The following ANKRD26 variants were observed in gnomAD, a reference collection of about 807,000 sequenced individuals.
ANKRD26 encodes the protein ankyrin repeat domain 26.
A neutral mutation model predicts 208.7 loss-of-function variants in ANKRD26; 141 were observed. That is an observed-to-expected ratio of 0.68 (90% CI 0.59 to 0.78). ANKRD26 has a LOEUF of 0.78. Ranked by LOEUF, ANKRD26 falls within the 30% of genes least tolerant of loss-of-function variation. The pLI is 0.00. For synonymous variants in ANKRD26, 636 were observed against 660.4 expected (o/e 0.96, Z 0.57); for missense variants, 1,889 against 1,938.7 (o/e 0.97, Z 0.48).
intron 9 of ANKRD26, among the ~76,000 whole-genome samples, chr10:27,072,731 T>A (rs1414599577): frequency 6.6e-6 from 1 of 152,236 alleles, no homozygotes; most frequent in Non-Finnish European, 1.5e-5. Context: ...GAAACTTCTG[T>A]GCATCTTCAG....
chr10:27,072,262 C>T (rs2055531375), intron 9 of ANKRD26, among the ~76,000 whole-genome samples: 2 of 152,232 alleles, frequency 1.3e-5, no homozygotes, highest in African/African-American at 4.8e-5. Context: ...GGCGTGAGAC[C>T]TGCCTTGCCA....
rs1475263013 is a variant in ANKRD26 at position 27,058,889 on chromosome 10, A to G, written c.1564+1456T>C. Among the ~76,000 whole-genome samples, 3 of 147,178 alleles carry G rather than the reference A, an allele frequency of 2.0e-5. No individual in the cohort carries two copies. The East Asian group carries it at 6.1e-4, about 30-fold the overall frequency. On this transcript the variant is annotated intron_variant, in intron 15 of 33. Transcript: ENST00000376087. ...CCGCGCCCAGCCCACAGTGATTTTT[A>G]TGTTTTTTTGTTTGTTTGTTTTTTG...
At position 27,077,441 on chromosome 10, in the gene ANKRD26, G is replaced by C. The variant is rs1163599010; in HGVS notation, c.974C>G (p.Thr325Arg). ...AAAGCACTGGACTTTGATTGATGTT[G>C]TAGGAAGGCTTTCAACCACAACTTC... ...QDEVVVESLP[T>R]TSIKVQCFSH... The change falls in exon 9 of 34, where the codon ACA becomes AGA. Residue 325 changes from threonine (T) to arginine (R), a missense_variant. Thr to Arg is a moderately conservative substitution (Grantham distance 71). Coordinates refer to ENST00000376087, the MANE Select transcript of ANKRD26 (RefSeq NM_014915.3). The C allele has an allele frequency of 1.2e-6, 2 of 1,613,918 alleles. No homozygotes were observed. The highest frequency in any genetic ancestry group is 1.7e-6 in the Non-Finnish European group (2 of 1,179,852).
chr10:27,019,828 A>G (rs998942338), intron 29 of ANKRD26, among the ~76,000 whole-genome samples: 2 of 152,180 alleles, frequency 1.3e-5, no homozygotes, highest in African/African-American at 4.8e-5. Flanking sequence ...TTGCTTCCTA[A>G]CAAAGTACCC....
chr10:27,026,046 A>G (rs11015458), intron 27 of ANKRD26, among the ~76,000 whole-genome samples: 14,486 of 152,138 alleles, frequency 0.095, 2,221 homozygotes, highest in African/African-American at 0.33. Context: ...TTTTTCTTTC[A>G]TAATGCAAAA....
chr10:27,024,351 G>C (rs975832324), intron 28 of ANKRD26, 96 bp downstream of exon 28: 1 of 664,526 alleles, frequency 1.5e-6, no homozygotes, highest in Non-Finnish European at 2.6e-6. Context: ...AGAAAAAGTA[G>C]ATATTAAATG....
At chr10:27,003,643 A>G (rs1316351138), downstream of ANKRD26, among the ~76,000 whole-genome samples, 1 of 152,334 alleles carries the variant, frequency 6.6e-6, no homozygotes, top group Non-Finnish European at 1.5e-5. Context: ...CCAGTAATGG[A>G]AGTGAGTGAC....
At chr10:27,012,750 T>C in intron 32 of ANKRD26, 132 bp downstream of exon 32, 1 of 784,272 alleles carries the variant, frequency 1.3e-6, no homozygotes, top group African/African-American at 1.7e-5. Context: ...ACATAGAGGT[T>C]GCAGTGAGCC....
rs373077227 is a variant in ANKRD26, at chr10:27,056,323, G to A, written c.1565-2933C>T. Among the ~76,000 whole-genome samples the A allele has an allele frequency of 1.7e-3, 265 of 151,922 alleles. 1 individual carries two copies. Among genetic ancestry groups the A allele is most frequent in the African/African-American group, 6.0e-3 (250 of 41,470 alleles). On this transcript the variant is annotated intron_variant, in intron 15 of 33. Transcript: ENST00000376087. ...CTCCTGAGCAGCTGGGATTACAGGC[G>A]CCCGCCACCACACCCAGCTAATTTT... is the stretch of plus-strand genomic sequence containing the variant.
At chr10:27,016,795 T>C (rs2053308086) in intron 30 of ANKRD26, among the ~76,000 whole-genome samples, 1 of 152,166 alleles carries the variant, frequency 6.6e-6, no homozygotes, top group Non-Finnish European at 1.5e-5. Context: ...AAATTTAATT[T>C]ATATAAAACC....
At chr10:27,046,198 G>T in intron 18 of ANKRD26, 155 bp downstream of exon 18, 1 of 792,220 alleles carries the variant, frequency 1.3e-6, no homozygotes, top group Non-Finnish European at 2.0e-6. Context: ...TATTGAAATG[G>T]CTGCTTGTCA....
intron 9 of ANKRD26, among the ~76,000 whole-genome samples, chr10:27,076,534 G>A (rs2055705026): frequency 1.3e-5 from 2 of 151,938 alleles, no homozygotes; most frequent in South Asian, 4.2e-4. Context: ...CAAAGTGCTG[G>A]GATTACAGGT....
chr10:26,987,867 G>A (rs887368248), downstream of ANKRD26, among the ~76,000 whole-genome samples: 2 of 152,188 alleles, frequency 1.3e-5, no homozygotes, highest in Non-Finnish European at 2.9e-5. Flanking sequence ...CAGAATGGAA[G>A]TGCCTGATAC....
At chr10:27,072,995 T>G (rs2055561093) in intron 9 of ANKRD26, among the ~76,000 whole-genome samples, 1 of 151,778 alleles carries the variant, frequency 6.6e-6, no homozygotes, top group Non-Finnish European at 1.5e-5. Context: ...CACCCTGGAG[T>G]ATGGCAGCCC....
At chr10:26,952,170 T>C in the ANKRD26 span, among the ~76,000 whole-genome samples, 4 of 152,100 alleles carry the variant, frequency 2.6e-5, no homozygotes, top group South Asian at 4.1e-4. Context: ...TCCCGTCCCA[T>C]GGAACTGCAA....
At chr10:27,055,496 T>A (rs2135403088) in intron 15 of ANKRD26, among the ~76,000 whole-genome samples, 1 of 152,310 alleles carries the variant, frequency 6.6e-6, no homozygotes, top group East Asian at 1.9e-4. Context: ...AAAAAAATTA[T>A]ATGATTTATT....
chr10:27,006,845 C>T (rs564413255), intron 33 of ANKRD26, 72 bp downstream of exon 33: 1 of 1,239,548 alleles, frequency 8.1e-7, no homozygotes, highest in Non-Finnish European at 1.2e-6. Context: ...AGGGATCCCA[C>T]TCACGATTTA....
chr10:27,100,343 C>T lies in ANKRD26; in HGVS notation c.-17G>A, dbSNP rs1306977745. The T allele has an allele frequency of 1.2e-6, 2 of 1,604,876 alleles. No homozygotes were observed. The highest frequency in any genetic ancestry group is 4.5e-5 in the East Asian group (2 of 44,870). On this transcript the variant is annotated 5_prime_UTR_variant, in exon 1 of 34. Coordinates refer to ENST00000376087, the MANE Select transcript of ANKRD26 (RefSeq NM_014915.3). ...CTTCTTCATGGCCCAGGCGACCGGG[C>T]TTCAGAGACACCTCATGTCTCTCTC...
At chr10:27,021,991 T>C (rs1215657114) in intron 29 of ANKRD26, among the ~76,000 whole-genome samples, 7 of 152,210 alleles carry the variant, frequency 4.6e-5, no homozygotes, top group African/African-American at 9.6e-5. Context: ...ATTCTGTAGG[T>C]TGTCTGTTTA....
Sources: gnomAD v4.1 joint callset for allele counts (sites outside exome capture counted in the v4.1 genomes callset) on GRCh38, gnomAD v4.1.1 for gene constraint, MANE v1.5 for transcripts, NCBI Gene and HGNC (gene_info 2026-07-23, HGNC 2026-07-21) for gene names.